Variants in CPNE4 observed in about 807,000 individuals in gnomAD.
CPNE4 encodes copine-4.
Under a neutral mutation model 67.9 loss-of-function variants are expected in CPNE4, and 25 were observed. The ratio of observed to expected loss-of-function variants is 0.37; its 90% CI spans 0.27 to 0.51. The LOEUF is 0.51. Ranked by LOEUF, CPNE4 falls within the 20% of genes least tolerant of loss-of-function variation. CPNE4 has a pLI of 0.93. For synonymous variants in CPNE4, 242 were observed against 244.9 expected (o/e 0.99, Z 0.11); for missense variants, 464 against 690.8 (o/e 0.67, Z 3.68).
At chr3:131,992,611 G>C (rs996902216) in intron 1 of CPNE4, among the ~76,000 whole-genome samples, 1 of 136,060 alleles carries the variant, frequency 7.3e-6, no homozygotes, top group Non-Finnish European at 1.7e-5. Context: ...AGACATGGGG[G>C]ACTGTTGGAA....
chr3:131,828,582 A>T (rs1445373111), intron 2 of CPNE4, among the ~76,000 whole-genome samples: 1 of 152,242 alleles, frequency 6.6e-6, no homozygotes, highest in Non-Finnish European at 1.5e-5. Context: ...CTGCAAAGAA[A>T]GTTGCTCTGA....
chr3:131,685,798 A>AC (rs2080876472), intron 6 of CPNE4, 77 bp downstream of exon 6: 23 of 990,450 alleles, frequency 2.3e-5, no homozygotes, highest in Non-Finnish European at 3.1e-5. Flanking sequence ...ACACACACAC[A>AC]AAAAGGAGTT....
intron 1 of CPNE4, among the ~76,000 whole-genome samples, chr3:131,934,536 T>C (rs1316407766): frequency 6.6e-6 from 1 of 152,152 alleles, no homozygotes; most frequent in Non-Finnish European, 1.5e-5. Flanking sequence ...CTACATTAGG[T>C]ATTTCTCCTA....
intron 1 of CPNE4, among the ~76,000 whole-genome samples, chr3:132,009,460 C>T (rs963868995): frequency 6.6e-6 from 1 of 152,192 alleles, no homozygotes; most frequent in African/African-American, 2.4e-5. Context: ...TAAGAAGAGG[C>T]ACTTAGCACA....
rs2073568829 is a variant in CPNE4, at chr3:132,005,348, C to CATATATATATATATATAT, written c.-2+29218_-2+29219insATATATATATATATATAT. 1.1e-4 allele frequency among the ~76,000 whole-genome samples: 2 copies of CATATATATATATATATAT among 18,488 alleles called. 1 individual carries two copies. The highest frequency in any genetic ancestry group is 2.7e-4 in the Non-Finnish European group (2 of 7,514). The allele number at this position is 18,488 out of a possible 152,430, so 12.1% of individuals were successfully genotyped here. A position where few individuals can be genotyped will look rare whatever the true frequency, so the allele number is the denominator to read the frequency against. On this transcript the variant is annotated intron_variant, in intron 1 of 15. Coordinates refer to ENST00000429747, the MANE Select transcript of CPNE4 (RefSeq NM_130808.3). ...ATATATATATATATATATATACACA[C>CATATATATATATATATAT]ACACACACACACACACACACACACA...
At chr3:131,780,162 T>C (rs1038214724) in intron 2 of CPNE4, among the ~76,000 whole-genome samples, 1 of 152,056 alleles carries the variant, frequency 6.6e-6, no homozygotes, top group African/African-American at 2.4e-5. Context: ...ATAGCTATTA[T>C]TAAAAAGTCA....
At chr3:131,613,119 T>G (rs982230250) in intron 7 of CPNE4, among the ~76,000 whole-genome samples, 32 of 152,156 alleles carry the variant, frequency 2.1e-4, no homozygotes, top group African/African-American at 7.7e-4. Context: ...CAGAGTTAAG[T>G]GGGAAGTTGA....
upstream of CPNE4, chr3:132,035,037 C>G: frequency 3.0e-6 from 3 of 985,434 alleles, no homozygotes; most frequent in Non-Finnish European, 3.6e-6. Context: ...CCCAGCAACC[C>G]GGCAAGAGAC....
chr3:131,777,183 G>A (rs1467341430), intron 2 of CPNE4, among the ~76,000 whole-genome samples: 3 of 152,026 alleles, frequency 2.0e-5, no homozygotes, highest in Admixed American at 6.6e-5. Flanking sequence ...TGATATTATA[G>A]TAACTCACGT....
intron 2 of CPNE4, among the ~76,000 whole-genome samples, chr3:131,747,416 T>C (rs1442022907): frequency 6.6e-6 from 1 of 152,108 alleles, no homozygotes; most frequent in Non-Finnish European, 1.5e-5. Flanking sequence ...AGGTCTTACA[T>C]TTAAGTCTTT....
intron 2 of CPNE4, among the ~76,000 whole-genome samples, chr3:131,831,432 G>A (rs1209104817): frequency 6.6e-6 from 1 of 151,936 alleles, no homozygotes; most frequent in African/African-American, 2.4e-5. Flanking sequence ...CTGGAGCTTT[G>A]TATTACTACT....
At chr3:131,593,320 ATTC>A (rs1220229208) in intron 7 of CPNE4, among the ~76,000 whole-genome samples, 22 of 152,230 alleles carry the variant, frequency 1.4e-4, no homozygotes, top group African/African-American at 5.1e-4. Context: ...TTATTTGTGT[ATTC>A]TTTGATTTCT....
chr3:131,824,430 A>G (rs1276170306), intron 2 of CPNE4, among the ~76,000 whole-genome samples: 1 of 152,218 alleles, frequency 6.6e-6, no homozygotes, highest in Admixed American at 6.5e-5. Context: ...TTTTTATGGT[A>G]CATCAGCAAC....
intron 8 of CPNE4, among the ~76,000 whole-genome samples, chr3:131,585,771 C>G (rs1423635776): frequency 2.0e-5 from 3 of 152,158 alleles, no homozygotes; most frequent in African/African-American, 7.2e-5. Flanking sequence ...GAGCAATATT[C>G]TCTAGCTATA....
At chr3:131,940,434 A>T (rs753550786) in intron 1 of CPNE4, among the ~76,000 whole-genome samples, 3 of 152,086 alleles carry the variant, frequency 2.0e-5, no homozygotes, top group Non-Finnish European at 4.4e-5. Flanking sequence ...TGTTTTTTAC[A>T]TTGAGCATGT....
At chr3:131,613,682 G>A (rs543754981) in intron 7 of CPNE4, among the ~76,000 whole-genome samples, 2 of 152,272 alleles carry the variant, frequency 1.3e-5, no homozygotes, top group African/African-American at 4.8e-5. Context: ...TTAGGCAGCT[G>A]GTCTTGGAGA....
intron 7 of CPNE4, among the ~76,000 whole-genome samples, chr3:131,643,506 A>G (rs1001668688): frequency 6.6e-6 from 1 of 152,160 alleles, no homozygotes; most frequent in Admixed American, 6.6e-5. Context: ...GGATCAGATG[A>G]GACTTTGGAC....
intron 2 of CPNE4, among the ~76,000 whole-genome samples, chr3:131,743,950 G>A (rs372775099): frequency 2.7e-4 from 22 of 80,786 alleles, no homozygotes; most frequent in Admixed American, 1.1e-3. Flanking sequence ...GCGACAGAGC[G>A]AGACTCCGTC....
intron 14 of CPNE4, chr3:131,543,047 G>T: frequency 2.3e-6 from 1 of 435,878 alleles, no homozygotes; most frequent in Admixed American, 3.8e-5. Context: ...AGAGCAGCAG[G>T]CCAAGAGTTA....
Sources: allele counts gnomAD v4.1 joint callset (sites outside exome capture counted in the v4.1 genomes callset), GRCh38; gene constraint gnomAD v4.1.1; transcripts MANE v1.5; gene names NCBI Gene and HGNC (gene_info 2026-07-23, HGNC 2026-07-21).